Variants in PTPRG observed in about 807,000 individuals in gnomAD.
PTPRG encodes protein tyrosine phosphatase receptor type G.
A neutral mutation model predicts 165.3 loss-of-function variants in PTPRG; 102 were observed. That is an observed-to-expected ratio of 0.62 (90% CI 0.53 to 0.73). The LOEUF is 0.73. Among genes scored for constraint, PTPRG ranks in the 30% least tolerant of loss-of-function variants. The pLI is 0.00. For synonymous variants in PTPRG, 675 were observed against 669.5 expected (o/e 1.01, Z -0.13); for missense variants, 1,866 against 1,861.4 (o/e 1.00, Z -0.05).
At chr3:62,005,357 A>G (rs1042334306) in intron 4 of PTPRG, among the ~76,000 whole-genome samples, 1 of 152,156 alleles carries the variant, frequency 6.6e-6, no homozygotes, top group Non-Finnish European at 1.5e-5. Flanking sequence ...AAATTACATC[A>G]TGTTCTTAAG....
intron 2 of PTPRG, among the ~76,000 whole-genome samples, chr3:61,942,115 G>A (rs530911323): frequency 4.0e-5 from 6 of 150,408 alleles, no homozygotes; most frequent in African/African-American, 1.5e-4. Context: ...CGGAGATCGC[G>A]CTACTACACT....
chr3:62,165,579 A>G lies in PTPRG; in HGVS notation c.841-2392A>G, dbSNP rs182720546. On this transcript the variant is annotated intron_variant, in intron 7 of 29. Transcript: ENST00000474889. The stretch of plus-strand genomic sequence containing the variant: ...CAGGCAGATGCTACCTAGAGACACT[A>G]TGAGTTTTTATGATAGTAAAGTAAC... 1.2e-4 allele frequency among the ~76,000 whole-genome samples: 16 copies of G among 138,444 alleles called. No homozygotes were observed. In the South Asian group the frequency reaches 1.2e-3, roughly 11 times the overall value. The allele number at this position is 138,444 out of a possible 152,430, so 90.8% of individuals were successfully genotyped here. A position where few individuals can be genotyped will look rare whatever the true frequency, so the allele number is the denominator to read the frequency against.
rs1001815270 is a variant in PTPRG at position 62,276,999 on chromosome 3, C to A, written c.3587C>A (p.Pro1196Gln). 3 of 1,613,072 alleles carry A rather than the reference C, an allele frequency of 1.9e-6. No individual in the cohort carries two copies. Residue 1196 changes from proline (P) to glutamine (Q), a missense_variant, in exon 25 of 30, where the codon CCA becomes CAA. Pro to Gln is a moderately conservative substitution (Grantham distance 76). Transcript: ENST00000474889. ...GAGCGTGCTCGAGTGGGTCTTGCAC[C>A]ATTGCCTGGAATGAAAGGAACAGAT... is the stretch of plus-strand genomic sequence containing the variant. ...PSERARVGLA[P>Q]LPGMKGTDYI...
intron 1 of PTPRG, among the ~76,000 whole-genome samples, chr3:61,589,265 T>G (rs2106817486): frequency 6.6e-6 from 1 of 152,334 alleles, no homozygotes; most frequent in Non-Finnish European, 1.5e-5. Context: ...CCTGCATGCC[T>G]AAAATATTTA....
At chr3:61,957,297 CAGTG>C (rs1431777002) in intron 2 of PTPRG, among the ~76,000 whole-genome samples, 4 of 152,308 alleles carry the variant, frequency 2.6e-5, no homozygotes, top group African/African-American at 7.2e-5. Flanking sequence ...AAATGTAAAA[CAGTG>C]AGACCACAGT....
chr3:62,043,208 T>G (rs1269439045), intron 4 of PTPRG, among the ~76,000 whole-genome samples: 1 of 152,364 alleles, frequency 6.6e-6, no homozygotes, highest in South Asian at 2.1e-4. Flanking sequence ...AATATGTTTT[T>G]CCACTAGGTT....
At chr3:61,735,383 C>G (rs2032678714) in intron 1 of PTPRG, among the ~76,000 whole-genome samples, 1 of 152,146 alleles carries the variant, frequency 6.6e-6, no homozygotes, top group Non-Finnish European at 1.5e-5. Context: ...TTGAAGAGAA[C>G]AAAGCCAGCC....
At chr3:62,290,404 G>A (rs991977357) in intron 28 of PTPRG, among the ~76,000 whole-genome samples, 3 of 152,102 alleles carry the variant, frequency 2.0e-5, no homozygotes, top group Admixed American at 1.3e-4. Context: ...CGGGTGGAAG[G>A]TCAGAGTTAT....
chr3:61,831,132 C>T (rs1250093043), intron 2 of PTPRG, among the ~76,000 whole-genome samples: 4 of 152,132 alleles, frequency 2.6e-5, no homozygotes, highest in Admixed American at 2.6e-4. Context: ...TATTTAATCT[C>T]ACTGATAAAA....
chr3:62,095,957 A>G lies in PTPRG; in HGVS notation c.615+17699A>G, dbSNP rs548028021. ...AGAGCATTGACTTCACTAGACCACAAAAAGAGCCTTGAAGGCCATCAGCCC... is the reference window on the plus strand; with the variant it reads ...AGAGCATTGACTTCACTAGACCACAGAAAGAGCCTTGAAGGCCATCAGCCC... On this transcript the variant is annotated intron_variant, in intron 5 of 29. Coordinates refer to ENST00000474889, the MANE Select transcript of PTPRG (RefSeq NM_002841.4). Among the ~76,000 whole-genome samples, 6 of 152,308 alleles carry G rather than the reference A, an allele frequency of 3.9e-5. No individual in the cohort carries two copies. In the East Asian group the frequency reaches 9.7e-4, roughly 25 times the overall value.
intron 2 of PTPRG, among the ~76,000 whole-genome samples, chr3:61,910,274 A>G (rs934811229): frequency 6.6e-6 from 1 of 152,178 alleles, no homozygotes; most frequent in African/African-American, 2.4e-5. Flanking sequence ...AATTTAGTGA[A>G]TTTGTTTGTT....
At chr3:61,797,323 C>T (rs2035079162) in intron 2 of PTPRG, among the ~76,000 whole-genome samples, 2 of 152,010 alleles carry the variant, frequency 1.3e-5, no homozygotes, top group East Asian at 1.9e-4. Context: ...TTTTTTTCCC[C>T]CATATTTGAA....
intron 3 of PTPRG, among the ~76,000 whole-genome samples, chr3:61,994,578 C>G (rs573657121): frequency 6.6e-6 from 1 of 152,232 alleles, no homozygotes; most frequent in East Asian, 1.9e-4. Context: ...GAGTCATTTT[C>G]TAGTATGTTA....
intron 2 of PTPRG, among the ~76,000 whole-genome samples, chr3:61,972,080 A>C (rs932653507): frequency 6.6e-6 from 1 of 152,362 alleles, no homozygotes; most frequent in Admixed American, 6.5e-5. Context: ...CAAAGCAAAA[A>C]ATAAAAAGAG....
intron 1 of PTPRG, among the ~76,000 whole-genome samples, chr3:61,591,890 T>C (rs1700578840): frequency 6.6e-6 from 1 of 152,136 alleles, no homozygotes; most frequent in South Asian, 2.1e-4. Flanking sequence ...TCCCCAAGGA[T>C]CCTTAAGAAT....
chr3:62,138,277 T>A (rs1010564870), intron 6 of PTPRG, among the ~76,000 whole-genome samples: 3 of 152,160 alleles, frequency 2.0e-5, no homozygotes, highest in Non-Finnish European at 4.4e-5. Flanking sequence ...AAGTGAGAAA[T>A]GTGCATTAAA....
chr3:61,959,439 C>T (rs906620376), intron 2 of PTPRG, among the ~76,000 whole-genome samples: 1 of 152,168 alleles, frequency 6.6e-6, no homozygotes, highest in South Asian at 2.1e-4. Context: ...TCATCAGGCA[C>T]GTGCAACCTG....
intron 1 of PTPRG, among the ~76,000 whole-genome samples, chr3:61,728,680 T>TA (rs11428260): frequency 0.28 from 43,212 of 151,856 alleles, 6,983 homozygotes; most frequent in East Asian, 0.75. Flanking sequence ...AGCTATGTAT[T>TA]TTTTTTGTAT....
chr3:61,724,290 CT>C (rs1377397318), intron 1 of PTPRG, among the ~76,000 whole-genome samples: 2 of 151,540 alleles, frequency 1.3e-5, no homozygotes, highest in African/African-American at 2.4e-5. Flanking sequence ...CATAGTGCCC[CT>C]GATCTCCATC....
Sources: allele counts gnomAD v4.1 joint callset (sites outside exome capture counted in the v4.1 genomes callset), GRCh38; gene constraint gnomAD v4.1.1; transcripts MANE v1.5; gene names NCBI Gene and HGNC (gene_info 2026-07-23, HGNC 2026-07-21).